P4HA3: variants seen among roughly 807,000 people sequenced by gnomAD.
P4HA3 encodes the protein prolyl 4-hydroxylase subunit alpha-3.
A neutral mutation model predicts 66.7 loss-of-function variants in P4HA3; 60 were observed. The ratio of observed to expected loss-of-function variants is 0.90; its 90% CI spans 0.73 to 1.12. The LOEUF (loss-of-function observed/expected upper bound fraction) is 1.12, where lower values mean the gene tolerates loss of function less well. Among genes scored for constraint, P4HA3 ranks in the 50% most tolerant of loss-of-function variants. The pLI is 0.00. For synonymous variants in P4HA3, 263 were observed against 274.6 expected (o/e 0.96, Z 0.42); for missense variants, 683 against 685.8 (o/e 1.00, Z 0.05).
intron 1 of P4HA3, among the ~76,000 whole-genome samples, chr11:74,305,337 G>C (rs1861548180): frequency 1.3e-5 from 2 of 152,038 alleles, no homozygotes; most frequent in South Asian, 4.2e-4. Flanking sequence ...CCATGTATTG[G>C]CCTGTTGGGT....
At chr11:74,272,401 A>G (rs1294785443) in intron 10 of P4HA3, among the ~76,000 whole-genome samples, 1 of 152,192 alleles carries the variant, frequency 6.6e-6, no homozygotes, top group Non-Finnish European at 1.5e-5. Flanking sequence ...GCAGCAGTTC[A>G]TTCTTTCGCC....
chr11:74,260,629 G>T (rs568782387), intron 14 of P4HA3, among the ~76,000 whole-genome samples: 1 of 152,216 alleles, frequency 6.6e-6, no homozygotes, highest in Admixed American at 6.5e-5. Context: ...ATCTGCATTT[G>T]TAAGACTAAA....
chr11:74,263,619 C>G (rs911479678), downstream of P4HA3, among the ~76,000 whole-genome samples: 5 of 152,226 alleles, frequency 3.3e-5, no homozygotes, highest in Admixed American at 3.3e-4. Context: ...TAGAACTCAT[C>G]TCATTTTGAG....
chr11:74,253,609 C>T, intron 15 of P4HA3: 1 of 1,339,870 alleles, frequency 7.5e-7, no homozygotes, highest in South Asian at 1.2e-5. Flanking sequence ...TCCCGCCCAG[C>T]CATGTGACAC....
intron 3 of P4HA3, among the ~76,000 whole-genome samples, chr11:74,300,575 G>A (rs757593462): frequency 6.6e-6 from 1 of 152,176 alleles, no homozygotes; most frequent in Non-Finnish European, 1.5e-5. Flanking sequence ...GATCAAGGCT[G>A]CAGTGAGCCA....
chr11:74,303,638 G>A (rs1321861220), intron 2 of P4HA3, among the ~76,000 whole-genome samples: 1 of 151,106 alleles, frequency 6.6e-6, no homozygotes, highest in Non-Finnish European at 1.5e-5. Flanking sequence ...CTGGAGTGCA[G>A]TGGTGCGATC....
chr11:74,272,806 C>T (rs1860252199), intron 10 of P4HA3, among the ~76,000 whole-genome samples: 1 of 152,184 alleles, frequency 6.6e-6, no homozygotes, highest in South Asian at 2.1e-4. Context: ...AGTAAGGTAT[C>T]TCTTCTAATA....
chr11:74,311,450 G>A lies in P4HA3; in HGVS notation c.162C>T (p.Tyr54=). 1.3e-6 allele frequency: 2 copies of A among 1,539,806 alleles called. No homozygotes were observed. The highest frequency in any genetic ancestry group is 2.4e-5 in the South Asian group (2 of 83,516). ...GCAGCCGCGCCTCCTCCCCGCGCAG[G>A]TACCGCCTCAGCAGCCCCAGCAGCC... ...ERRLLGLLRR[Y]LRGEEARLRD... Residue 54 remains tyrosine (Y), a synonymous_variant, in exon 1 of 13, where the codon TAC becomes TAT. Transcript: ENST00000331597.
At chr11:74,300,284 G>A (rs1861365256) in intron 3 of P4HA3, among the ~76,000 whole-genome samples, 1 of 152,138 alleles carries the variant, frequency 6.6e-6, no homozygotes, top group South Asian at 2.1e-4. Context: ...AATCCATCAT[G>A]AGCAAGAGTC....
At chr11:74,262,851 G>A (rs1016314788), downstream of P4HA3, among the ~76,000 whole-genome samples, 1 of 152,236 alleles carries the variant, frequency 6.6e-6, no homozygotes, top group African/African-American at 2.4e-5. Context: ...TGAAAGGGCA[G>A]TTTGTGCTGC....
intron 8 of P4HA3, 123 bp from the exon 9 acceptor site, chr11:74,277,267 G>A: frequency 8.2e-7 from 1 of 1,219,032 alleles, no homozygotes; most frequent in Non-Finnish European, 1.2e-6. Flanking sequence ...TGGAAGGAAG[G>A]AGGAAAGAGA....
intron 4 of P4HA3, among the ~76,000 whole-genome samples, chr11:74,290,844 G>A (rs1279116): frequency 0.25 from 38,480 of 152,070 alleles, 5,385 homozygotes; most frequent in Non-Finnish European, 0.33. Context: ...TTTGGTTACC[G>A]TAGCCTTGTA....
rs1158188195 is a variant in P4HA3, at chr11:74,311,601, C to G, written c.11G>C (p.Gly4Ala). The stretch of plus-strand genomic sequence containing the variant: ...CGCCAGCAGCGCCGCCAGCCGCGCC[C>G]CAGGACCCATAGCCAGCGCTCGCGA... MGP[G>A]ARLAALLAVL... The change falls in exon 1 of 13, where the codon GGG becomes GCG. Residue 4 changes from glycine to alanine, a missense_variant. Transcript: ENST00000331597. The G allele has an allele frequency of 3.3e-6, 5 of 1,523,916 alleles. No homozygotes were observed. The highest frequency in any genetic ancestry group is 2.7e-5 in the East Asian group (1 of 37,444). The allele number at this position is 1,523,916 out of a possible 1,614,324, so 94.4% of individuals were successfully genotyped here. A position where few individuals can be genotyped will look rare whatever the true frequency, so the allele number is the denominator to read the frequency against.
chr11:74,252,239 GT>G (rs974162487), intron 15 of P4HA3, among the ~76,000 whole-genome samples: 6 of 112,330 alleles, frequency 5.3e-5, no homozygotes, highest in Admixed American at 1.8e-4. Flanking sequence ...GGCTAATTTT[GT>G]TTTTTTTTTT....
chr11:74,305,688 C>G (rs1861559951), intron 1 of P4HA3, among the ~76,000 whole-genome samples: 1 of 152,172 alleles, frequency 6.6e-6, no homozygotes, highest in South Asian at 2.1e-4. Flanking sequence ...ATGCTAGATT[C>G]TAGGGATACA....
At chr11:74,289,922 A>G (rs1860951923) in intron 4 of P4HA3, among the ~76,000 whole-genome samples, 1 of 152,138 alleles carries the variant, frequency 6.6e-6, no homozygotes, top group Admixed American at 6.5e-5. Flanking sequence ...ATGTGTCTTT[A>G]TAGCAGCATG....
chr11:74,261,439 T>C lies in P4HA3; in HGVS notation c.*1105-1303A>G, dbSNP rs192478027. Among the ~76,000 whole-genome samples the C allele has an allele frequency of 4.6e-5, 7 of 152,342 alleles. No individual in the cohort carries two copies. In the East Asian group the frequency reaches 1.2e-3, roughly 25 times the overall value. On this transcript the variant is annotated intron_variant and NMD_transcript_variant, in intron 14 of 15. Coordinates refer to the P4HA3 transcript ENST00000524388. ...ACTGAATGGGAAAACAGGTTCTTAA[T>C]CTGGTCCATGGGTTTACCTGGGACT...
chr11:74,288,514 T>C lies in P4HA3; in HGVS notation c.769+565A>G, dbSNP rs117395207. 8.0e-4 allele frequency among the ~76,000 whole-genome samples: 122 copies of C among 152,308 alleles called. No individual in the cohort carries two copies. In the East Asian group the frequency reaches 0.012, roughly 15 times the overall value. On this transcript the variant is annotated intron_variant, in intron 5 of 12. Coordinates refer to ENST00000331597, the MANE Select transcript of P4HA3 (RefSeq NM_182904.5). ...CCATTGAAGCAACACTAATATATCA[T>C]TGATTGGTTGGAAGAAGGAAGGGAC...
intron 8 of P4HA3, among the ~76,000 whole-genome samples, chr11:74,277,400 A>G (rs1860438328): frequency 6.6e-6 from 1 of 152,216 alleles, no homozygotes; most frequent in Non-Finnish European, 1.5e-5. Flanking sequence ...GAATAAGACA[A>G]AACCCCTGCC....
Sources: gnomAD v4.1 joint callset for allele counts (sites outside exome capture counted in the v4.1 genomes callset) on GRCh38, gnomAD v4.1.1 for gene constraint, MANE v1.5 for transcripts, NCBI Gene and HGNC (gene_info 2026-07-23, HGNC 2026-07-21) for gene names.